TENM3: variants seen among roughly 807,000 people sequenced by gnomAD.
The protein encoded by TENM3 is teneurin-3.
TENM3 carries 63 observed loss-of-function variants against 255.1 expected under a neutral mutation model. The observed-to-expected ratio is 0.25, with a 90% CI of 0.20 to 0.30. The LOEUF is 0.30. TENM3 is among the 10% of genes least tolerant of loss of function. The pLI is 1.00. For synonymous variants in TENM3, 1,306 were observed against 1,322.3 expected (o/e 0.99, Z 0.27); for missense variants, 2,929 against 3,461.1 (o/e 0.85, Z 3.86).
chr4:182,387,638 C>T (rs923797723), intron 3 of TENM3, among the ~76,000 whole-genome samples: 1 of 151,964 alleles, frequency 6.6e-6, no homozygotes, highest in African/African-American at 2.4e-5. Flanking sequence ...CTCCTGAGCC[C>T]AGGGAGTCCA....
intron 3 of TENM3, among the ~76,000 whole-genome samples, chr4:182,412,799 A>G (rs1580454120): frequency 6.6e-6 from 1 of 151,040 alleles, no homozygotes. Context: ...TGGGAGGTGG[A>G]GGTTGCAGTG....
At chr4:181,866,690 C>G in the TENM3 span, among the ~76,000 whole-genome samples, 1 of 152,140 alleles carries the variant, frequency 6.6e-6, no homozygotes, top group African/African-American at 2.4e-5. Context: ...TTTCATCTAT[C>G]CAAGTCAACA....
At chr4:182,118,093 T>C in the TENM3 span, among the ~76,000 whole-genome samples, 1 of 152,180 alleles carries the variant, frequency 6.6e-6, no homozygotes, top group Non-Finnish European at 1.5e-5. Flanking sequence ...TTTTGCATAT[T>C]AAACTTGTTT....
At position 182,800,306 on chromosome 4, in the gene TENM3, C is replaced by G. The variant is rs1192190633; in HGVS notation, c.8055C>G (p.Ala2685=). Residue 2685 remains alanine, a synonymous_variant, in exon 28 of 28, where the codon GCC becomes GCG. Transcript: ENST00000511685. ...AGTACCCCGAGCTGGCCGACAGCGC[C>G]AACAACATCCAGTTCCTGCGGCAGA... The part of the protein sequence containing the change: ...VEQYPELADS[A]NNIQFLRQSE... The G allele has an allele frequency of 6.3e-7, 1 of 1,594,362 alleles. No homozygotes were observed. Among genetic ancestry groups the G allele is most frequent in the Non-Finnish European group, 8.5e-7 (1 of 1,178,428 alleles).
At chr4:182,786,609 C>A (rs1338212270) in intron 24 of TENM3, among the ~76,000 whole-genome samples, 4 of 151,724 alleles carry the variant, frequency 2.6e-5, no homozygotes, top group Non-Finnish European at 5.9e-5. Context: ...GGGTTCCATG[C>A]CTGTCTCCCT....
At chr4:181,999,899 G>T in the TENM3 span, among the ~76,000 whole-genome samples, 1 of 152,170 alleles carries the variant, frequency 6.6e-6, no homozygotes, top group African/African-American at 2.4e-5. Context: ...TTAACTCCTA[G>T]AAACTTTATG....
chr4:181,527,806 T>C, the TENM3 span, among the ~76,000 whole-genome samples: 2 of 151,854 alleles, frequency 1.3e-5, no homozygotes, highest in African/African-American at 4.8e-5. Flanking sequence ...CTTGTAGTCT[T>C]TTTTTTCGTT....
intron 1 of TENM3, among the ~76,000 whole-genome samples, chr4:182,206,451 T>C (rs1754584219): frequency 6.6e-6 from 1 of 152,210 alleles, no homozygotes; most frequent in Non-Finnish European, 1.5e-5. Context: ...TGTCTCCCTC[T>C]CTGAGCCTTG....
At chr4:182,194,156 A>G (rs567146539) in intron 1 of TENM3, among the ~76,000 whole-genome samples, 2 of 152,244 alleles carry the variant, frequency 1.3e-5, no homozygotes, top group Non-Finnish European at 2.9e-5. Context: ...GTACTTCACC[A>G]GTTTCAAGAC....
chr4:182,342,971 CCTT>C (rs988762834), intron 2 of TENM3, among the ~76,000 whole-genome samples: 2 of 152,162 alleles, frequency 1.3e-5, no homozygotes, highest in Non-Finnish European at 2.9e-5. Context: ...TTCCCAATCT[CCTT>C]CTTTTATTAA....
the TENM3 span, among the ~76,000 whole-genome samples, chr4:181,713,198 A>T: frequency 6.6e-6 from 1 of 152,178 alleles, no homozygotes; most frequent in Non-Finnish European, 1.5e-5. Flanking sequence ...TGCCTTTGTC[A>T]CTGCTCGAAG....
At chr4:181,590,208 A>G in the TENM3 span, among the ~76,000 whole-genome samples, 1 of 152,204 alleles carries the variant, frequency 6.6e-6, no homozygotes, top group Non-Finnish European at 1.5e-5. Context: ...AGTAGAATGG[A>G]GAAGGTTGTA....
chr4:182,274,251 T>C (rs974894929), intron 1 of TENM3, among the ~76,000 whole-genome samples: 5 of 152,206 alleles, frequency 3.3e-5, no homozygotes, highest in Admixed American at 3.3e-4. Context: ...TTGTACATTG[T>C]AGTCTTCTAC....
At chr4:181,849,949 T>TCTCACACACACACACACACACACA in the TENM3 span, among the ~76,000 whole-genome samples, 202 of 65,944 alleles carry the variant, frequency 3.1e-3, 2 homozygotes, top group Non-Finnish European at 5.1e-3. Flanking sequence ...TCTCTCTCTC[T>TCTCACACACACACACACACACACA]CACACACACA....
the TENM3 span, among the ~76,000 whole-genome samples, chr4:181,936,580 A>T: frequency 4.6e-5 from 7 of 152,228 alleles, no homozygotes; most frequent in African/African-American, 1.7e-4. Context: ...GGTGCCAGCC[A>T]TCTGGGGGTG....
At chr4:182,682,156 T>C in intron 11 of TENM3, 142 bp downstream of exon 11, 1 of 719,030 alleles carries the variant, frequency 1.4e-6, no homozygotes, top group Non-Finnish European at 2.2e-6. Context: ...TTAAAAGTAA[T>C]GATATGTAGT....
At chr4:182,431,486 C>G (rs1771641129) in intron 3 of TENM3, among the ~76,000 whole-genome samples, 1 of 151,954 alleles carries the variant, frequency 6.6e-6, no homozygotes, top group African/African-American at 2.4e-5. Context: ...AGCGAGACTC[C>G]CTCTCAATAC....
the TENM3 span, among the ~76,000 whole-genome samples, chr4:181,845,364 G>C: frequency 6.6e-6 from 1 of 152,114 alleles, no homozygotes; most frequent in Non-Finnish European, 1.5e-5. Flanking sequence ...GAAATCTGTA[G>C]ATCACAGACT....
intron 1 of TENM3, among the ~76,000 whole-genome samples, chr4:182,237,940 C>A (rs1462566156): frequency 6.6e-6 from 1 of 152,120 alleles, no homozygotes; most frequent in Non-Finnish European, 1.5e-5. Flanking sequence ...CAAGTCCAGC[C>A]TATGATATTT....
Sources: gnomAD v4.1 joint callset for allele counts (sites outside exome capture counted in the v4.1 genomes callset) on GRCh38, gnomAD v4.1.1 for gene constraint, MANE v1.5 for transcripts, NCBI Gene and HGNC (gene_info 2026-07-23, HGNC 2026-07-21) for gene names.